PTPRQ: variants seen among roughly 807,000 people sequenced by gnomAD.
PTPRQ encodes protein tyrosine phosphatase receptor type Q.
A neutral mutation model predicts 246.0 loss-of-function variants in PTPRQ; 199 were observed. That is an observed-to-expected ratio of 0.81 (90% CI 0.72 to 0.91). The LOEUF (loss-of-function observed/expected upper bound fraction) is 0.91, where lower values mean the gene tolerates loss of function less well. Ranked by LOEUF, PTPRQ falls within the 40% of genes least tolerant of loss-of-function variation. The probability of loss-of-function intolerance (pLI) is 0.00; values close to 1 mark genes in which losing one functional copy is unlikely to be tolerated. For synonymous variants in PTPRQ, 869 were observed against 853.2 expected, an observed-to-expected ratio of 1.02 and a Z score of -0.32; for missense variants, 2,624 against 2,528.4, an observed-to-expected ratio of 1.04 and a Z score of -0.81.
Position 80,606,782 on chromosome 12 carries a change from TC to T in PTPRQ, c.4731+1604del, listed in dbSNP as rs1178727222. On this transcript the variant is annotated intron_variant, in intron 27 of 44. Coordinates refer to ENST00000644991, the MANE Select transcript of PTPRQ (RefSeq NM_001145026.2). ...CTCCAATTCAGTCTCTATTTTCTGT[TC>T]CTTTTGTAGAGCATATTTGTGAAGA... 2.6e-5 allele frequency among the ~76,000 whole-genome samples: 4 copies of T among 151,096 alleles called. No individual in the cohort carries two copies. The East Asian group carries it at 7.8e-4, about 29-fold the overall frequency.
chr12:80,450,105 G>T (rs1428254497), intron 3 of PTPRQ, among the ~76,000 whole-genome samples: 6 of 151,888 alleles, frequency 4.0e-5, no homozygotes, highest in East Asian at 1.9e-4. Context: ...CCCTTGTAAG[G>T]TGGATTCCTA....
rs904159117 is a variant in PTPRQ, at chr12:80,561,033, C to T, written c.4285+11299C>T. 9 of 153,708 alleles carry T rather than the reference C, an allele frequency of 5.9e-5. 1 individual carries two copies. The highest frequency in any genetic ancestry group is 2.2e-4 in the African/African-American group (9 of 41,510). 9.5% of individuals were successfully genotyped at this position (153,708 alleles called of 1,614,324 possible). On this transcript the variant is annotated intron_variant, in intron 25 of 44. Transcript: ENST00000644991. ...CCTCAAGAAACATTGCTGGTTGGCC[C>T]TCTGCCACTTGACTGTATGATCTGA...
chr12:80,652,051 A>T (rs1359294727), intron 37 of PTPRQ, among the ~76,000 whole-genome samples: 2 of 152,156 alleles, frequency 1.3e-5, no homozygotes, highest in African/African-American at 2.4e-5. Flanking sequence ...CTAAAATGGA[A>T]AACTATAAAT....
At chr12:80,465,754 C>T (rs369393162) in intron 6 of PTPRQ, among the ~76,000 whole-genome samples, 72 of 152,150 alleles carry the variant, frequency 4.7e-4, no homozygotes, top group African/African-American at 1.7e-3. Flanking sequence ...AAGACAAAAA[C>T]CACATGATTA....
chr12:80,588,006 C>A (rs1897672994), intron 25 of PTPRQ, 123 bp from the exon 26 acceptor site: 2 of 1,023,054 alleles, frequency 2.0e-6, no homozygotes, highest in Non-Finnish European at 2.7e-6. Flanking sequence ...GATAATTAAT[C>A]TAAGAGCTAT....
chr12:80,511,309 T>C (rs1445537244), intron 17 of PTPRQ, among the ~76,000 whole-genome samples: 1 of 152,182 alleles, frequency 6.6e-6, no homozygotes, highest in Non-Finnish European at 1.5e-5. Context: ...TTTTGTTTTC[T>C]TTGTTGCCTG....
intron 39 of PTPRQ, among the ~76,000 whole-genome samples, chr12:80,658,960 C>T (rs879725110): frequency 8.6e-5 from 13 of 151,948 alleles, no homozygotes; most frequent in Admixed American, 1.3e-4. Context: ...TGTCTCATTC[C>T]CTCCAAGCCT....
chr12:80,637,675 C>T (rs1029896111), intron 35 of PTPRQ, among the ~76,000 whole-genome samples: 7 of 152,098 alleles, frequency 4.6e-5, no homozygotes, highest in African/African-American at 7.2e-5. Flanking sequence ...ACTATTTATG[C>T]AATATTTTTA....
Position 80,574,856 on chromosome 12 carries a change from G to A in PTPRQ, c.4286-13273G>A, listed in dbSNP as rs374260988. On this transcript the variant is annotated intron_variant, in intron 25 of 44. Coordinates refer to ENST00000644991, the MANE Select transcript of PTPRQ (RefSeq NM_001145026.2). ...TTCTACTGAGCTCCTTGGATTCTCC[G>A]TCATGTACATATAATTAAAATATTA... Among the ~76,000 whole-genome samples, 25 of 152,124 alleles carry A rather than the reference G, an allele frequency of 1.6e-4. No homozygotes were observed. In the East Asian group the frequency reaches 2.7e-3, roughly 16 times the overall value.
chr12:80,643,918 CA>C (rs1454333797), intron 35 of PTPRQ, among the ~76,000 whole-genome samples: 1 of 152,060 alleles, frequency 6.6e-6, no homozygotes, highest in Non-Finnish European at 1.5e-5. Flanking sequence ...ATTTTTACAC[CA>C]ATTGACAAAT....
At chr12:80,506,872 G>C (rs536999810) in intron 16 of PTPRQ, among the ~76,000 whole-genome samples, 2 of 151,984 alleles carry the variant, frequency 1.3e-5, no homozygotes, top group East Asian at 3.9e-4. Context: ...GGCATAAAAT[G>C]TTTTTTATTT....
At chr12:80,575,832 C>A (rs1834898780) in intron 25 of PTPRQ, among the ~76,000 whole-genome samples, 1 of 145,720 alleles carries the variant, frequency 6.9e-6, no homozygotes, top group Non-Finnish European at 1.5e-5. Flanking sequence ...AGAGCGAAAC[C>A]CCATCTCAAA....
At chr12:80,676,370 C>T (rs549144407) in intron 43 of PTPRQ, among the ~76,000 whole-genome samples, 1 of 152,132 alleles carries the variant, frequency 6.6e-6, no homozygotes, top group East Asian at 1.9e-4. Context: ...GCACTGGGTG[C>T]GGTGGCTTAT....
chr12:80,562,414 T>C (rs1044645131), intron 25 of PTPRQ, among the ~76,000 whole-genome samples: 1 of 152,210 alleles, frequency 6.6e-6, no homozygotes. Context: ...TAGAGATGTC[T>C]TTTTGGAGAA....
At chr12:80,646,635 C>T (rs902575932) in intron 35 of PTPRQ, among the ~76,000 whole-genome samples, 28 of 152,272 alleles carry the variant, frequency 1.8e-4, no homozygotes, top group African/African-American at 6.5e-4. Context: ...AAACTATCTC[C>T]TTGCATGCGA....
intron 25 of PTPRQ, among the ~76,000 whole-genome samples, chr12:80,559,130 C>T (rs556295932): frequency 7.9e-5 from 12 of 152,226 alleles, no homozygotes; most frequent in African/African-American, 2.4e-4. Context: ...CCGGAACCTC[C>T]GCCTCCCGGG....
intron 29 of PTPRQ, among the ~76,000 whole-genome samples, chr12:80,615,290 T>G (rs1014374261): frequency 6.6e-6 from 1 of 151,062 alleles, no homozygotes; most frequent in African/African-American, 2.4e-5. Flanking sequence ...ATCTACCACA[T>G]GTATATTGTA....
At chr12:80,449,517 T>A (rs1290683485) in intron 3 of PTPRQ, among the ~76,000 whole-genome samples, 1 of 152,174 alleles carries the variant, frequency 6.6e-6, no homozygotes, top group Non-Finnish European at 1.5e-5. Flanking sequence ...AGGTCTAACA[T>A]TTAAGTCTTT....
chr12:80,450,516 G>T (rs1350449193), intron 3 of PTPRQ, among the ~76,000 whole-genome samples: 5 of 152,066 alleles, frequency 3.3e-5, no homozygotes, highest in African/African-American at 9.7e-5. Flanking sequence ...CTGTGGGTTT[G>T]TCATAGATAG....
Sources: gnomAD v4.1 joint callset for allele counts (sites outside exome capture counted in the v4.1 genomes callset) on GRCh38, gnomAD v4.1.1 for gene constraint, MANE v1.5 for transcripts, NCBI Gene and HGNC (gene_info 2026-07-23, HGNC 2026-07-21) for gene names.